KALRN: variants seen among roughly 807,000 people sequenced by gnomAD.
KALRN encodes kalirin RhoGEF kinase, also known as kalirin.
A neutral mutation model predicts 353.7 loss-of-function variants in KALRN; 70 were observed. That is an observed-to-expected ratio of 0.20 (90% confidence interval 0.16 to 0.24). The LOEUF (loss-of-function observed/expected upper bound fraction) is 0.24. KALRN is among the 10% of genes least tolerant of loss of function. The probability of loss-of-function intolerance (pLI) is 1.00; values close to 1 mark genes in which losing one functional copy is unlikely to be tolerated. For synonymous variants in KALRN, 1,391 were observed against 1,434.8 expected (o/e 0.97, Z 0.69); for missense variants, 2,791 against 3,756.7 (o/e 0.74, Z 6.72).
At chr3:124,083,433 C>T (rs1324121258) in intron 1 of KALRN, among the ~76,000 whole-genome samples, 1 of 152,076 alleles carries the variant, frequency 6.6e-6, no homozygotes, top group Non-Finnish European at 1.5e-5. Flanking sequence ...GGATGGGAAA[C>T]AGTGTTCCAA....
chr3:124,668,917 T>G lies in KALRN; in HGVS notation c.6703+1734T>G, dbSNP rs141243213. ...GTTTCTGATAGATTCTAAGCTGAAA[T>G]TAGGAATTTTAAAATTCATCAATTT... On this transcript the variant is annotated intron_variant, in intron 47 of 59. Transcript: ENST00000682506. Among the ~76,000 whole-genome samples the G allele has an allele frequency of 2.7e-3, 408 of 152,326 alleles. 1 individual carries two copies. The highest frequency in any genetic ancestry group is 9.3e-3 in the African/African-American group (388 of 41,568).
At chr3:124,332,169 C>G (rs1332454863) in intron 8 of KALRN, among the ~76,000 whole-genome samples, 2 of 152,126 alleles carry the variant, frequency 1.3e-5, no homozygotes, top group African/African-American at 4.8e-5. Flanking sequence ...GATTTCCTCT[C>G]CTGGCCTCTG....
Position 124,671,815 on chromosome 3 carries a change from C to G in KALRN, c.6859C>G (p.Leu2287Val). 6.2e-7 allele frequency: 1 copy of G among 1,614,272 alleles called. No individual in the cohort carries two copies. The highest frequency in any genetic ancestry group is 1.3e-5 in the African/African-American group (1 of 75,068). The change falls in exon 48 of 60, where the codon CTG becomes GTG. Residue 2287 changes from leucine (L) to valine (V), a missense_variant. Around this residue, in one of 11 missense-constraint regions of KALRN, gnomAD observed 1,065 missense variants for 1,156.4 expected, o/e 0.92. Transcript: ENST00000682506. Reference sequence around the variant, plus strand: ...AAAGGGCTCCAGCTATAACCCACCTCTGCCTCCCCTGAAGATATCTACCTC... The same window carrying G: ...AAAGGGCTCCAGCTATAACCCACCTGTGCCTCCCCTGAAGATATCTACCTC... ...PPKGSSYNPPLPPLKISTSNG... is the reference protein window; with the variant it reads ...PPKGSSYNPPVPPLKISTSNG...
At chr3:124,067,885 A>C (rs2042506311) in intron 1 of KALRN, among the ~76,000 whole-genome samples, 1 of 152,220 alleles carries the variant, frequency 6.6e-6, no homozygotes, top group Admixed American at 6.5e-5. Flanking sequence ...TAGGATGTGA[A>C]GACACAGTTT....
Position 124,455,239 on chromosome 3 carries a change from C to A in KALRN, c.3615C>A (p.His1205Gln). The A allele has an allele frequency of 6.2e-7, 1 of 1,614,112 alleles. No individual in the cohort carries two copies. The highest frequency in any genetic ancestry group is 8.5e-7 in the Non-Finnish European group (1 of 1,180,008). ...QLADSFVEKG[H>Q]IHATEIRKWV... ...CCGATAGCTTTGTGGAAAAAGGCCACATTCATGCCACGGAGATAAGGAAAT... is the reference window on the plus strand; with the variant it reads ...CCGATAGCTTTGTGGAAAAAGGCCAAATTCATGCCACGGAGATAAGGAAAT... The change falls in exon 22 of 60, where the codon CAC becomes CAA. Residue 1205 changes from histidine (H) to glutamine (Q), a missense_variant. Coordinates refer to ENST00000682506, the MANE Select transcript of KALRN (RefSeq NM_001388419.1).
chr3:124,509,777 C>A (rs927526870), intron 33 of KALRN, among the ~76,000 whole-genome samples: 3 of 152,132 alleles, frequency 2.0e-5, no homozygotes, highest in African/African-American at 7.2e-5. Context: ...GACAAACAGC[C>A]AAAATCTAGG....
intron 1 of KALRN, among the ~76,000 whole-genome samples, chr3:124,159,909 T>A (rs2069654709): frequency 6.6e-6 from 1 of 151,716 alleles, no homozygotes; most frequent in Non-Finnish European, 1.5e-5. Flanking sequence ...CTCAGAAGGG[T>A]TTCCAGCATA....
At chr3:124,602,314 G>A (rs927810255) in intron 34 of KALRN, among the ~76,000 whole-genome samples, 32 of 152,198 alleles carry the variant, frequency 2.1e-4, no homozygotes, top group African/African-American at 7.5e-4. Flanking sequence ...TTGAGTTAAC[G>A]ATCCACTGAG....
chr3:124,214,341 C>T (rs2077137822), intron 1 of KALRN, among the ~76,000 whole-genome samples: 1 of 151,944 alleles, frequency 6.6e-6, no homozygotes, highest in African/African-American at 2.4e-5. Context: ...TAACCACATC[C>T]CTGAGGTTGA....
Position 124,562,958 on chromosome 3 carries a change from G to C in KALRN, c.5051G>C (p.Arg1684Pro), listed in dbSNP as rs752824553. 2.2e-6 allele frequency: 3 copies of C among 1,367,810 alleles called. No homozygotes were observed. Among genetic ancestry groups the C allele is most frequent in the Non-Finnish European group, 2.9e-6 (3 of 1,022,032 alleles). The allele number at this position is 1,367,810 out of a possible 1,614,324, so 84.7% of individuals were successfully genotyped here. A position where few individuals can be genotyped will look rare whatever the true frequency, so the allele number is the denominator to read the frequency against. ...GAGCTGCTGGAGCGGCCCAGCGAGC[G>C]GCCTGGTTGGTGTCTGGTCCGTACC... ...TVELLERPSERPGWCLVRTTE... is the reference protein window; with the variant it reads ...TVELLERPSEPPGWCLVRTTE... Residue 1684 changes from arginine to proline, a missense_variant, in exon 34 of 60, where the codon CGG (arginine) becomes CCG (proline). Physicochemically the swap from Arg to Pro is moderately radical, Grantham distance 103. Around this residue, in one of 11 missense-constraint regions of KALRN, gnomAD observed 239 missense variants for 351.3 expected, o/e 0.68. Transcript: ENST00000682506.
chr3:124,176,140 C>G (rs2072705432), intron 1 of KALRN, among the ~76,000 whole-genome samples: 1 of 152,036 alleles, frequency 6.6e-6, no homozygotes, highest in African/African-American at 2.4e-5. Flanking sequence ...TGGCATTACT[C>G]TTTTTTAGCT....
rs774456929 is a variant in KALRN, at chr3:124,667,196, C to G, written c.6703+13C>G. On this transcript the variant is annotated intron_variant, in intron 47 of 59. Transcript: ENST00000682506. Reference sequence around the variant, plus strand: ...GACTTTTTGAATGGTGGGTGCTGGGCTTGGTTCCTTGCAGGGCTGTGTCAG... The same window carrying G: ...GACTTTTTGAATGGTGGGTGCTGGGGTTGGTTCCTTGCAGGGCTGTGTCAG... 64 of 1,610,182 alleles carry G rather than the reference C, an allele frequency of 4.0e-5. No homozygotes were observed. The Middle Eastern group carries it at 2.5e-3, about 62-fold the overall frequency.
rs186179616 is a variant in KALRN at position 124,455,703 on chromosome 3, A to G, written c.3735+344A>G. 8.9e-4 allele frequency among the ~76,000 whole-genome samples: 135 copies of G among 152,308 alleles called. 1 individual carries two copies. Among genetic ancestry groups the G allele is most frequent in the African/African-American group, 3.1e-3 (130 of 41,572 alleles). The stretch of plus-strand genomic sequence containing the variant: ...GCTTCATAAGTACCATCTTCCACCC[A>G]ATTATGTTAATCAGCAAATGATTAG... On this transcript the variant is annotated intron_variant, in intron 22 of 59. Coordinates refer to ENST00000682506, the MANE Select transcript of KALRN (RefSeq NM_001388419.1).
At chr3:124,065,150 G>C (rs914490539) in intron 1 of KALRN, among the ~76,000 whole-genome samples, 5 of 152,188 alleles carry the variant, frequency 3.3e-5, no homozygotes, top group Non-Finnish European at 7.3e-5. Flanking sequence ...TGGAGTAAGA[G>C]AGAAGGTTTC....
intron 47 of KALRN, among the ~76,000 whole-genome samples, chr3:124,669,963 CTTT>C (rs61190740): frequency 2.2e-5 from 3 of 136,486 alleles, no homozygotes; most frequent in South Asian, 2.3e-4. Context: ...CATATATTTT[CTTT>C]TTTTTTTTTT....
intron 33 of KALRN, among the ~76,000 whole-genome samples, chr3:124,538,268 G>C (rs1284764300): frequency 6.6e-6 from 1 of 151,810 alleles, no homozygotes; most frequent in Non-Finnish European, 1.5e-5. Context: ...GTTTGTGTGT[G>C]TGTGTGTGTA....
chr3:124,247,514 A>G (rs755757118), intron 3 of KALRN, among the ~76,000 whole-genome samples: 5 of 152,192 alleles, frequency 3.3e-5, no homozygotes, highest in South Asian at 2.1e-4. Flanking sequence ...TGGTGTTTCT[A>G]TAATAATTCT....
At chr3:124,154,462 G>A (rs557394328) in intron 1 of KALRN, among the ~76,000 whole-genome samples, 2 of 151,962 alleles carry the variant, frequency 1.3e-5, no homozygotes, top group Non-Finnish European at 2.9e-5. Flanking sequence ...TCTTATACAC[G>A]AATAACAGAC....
chr3:124,378,413 T>A (rs2086871778), intron 10 of KALRN, among the ~76,000 whole-genome samples: 1 of 152,138 alleles, frequency 6.6e-6, no homozygotes, highest in Admixed American at 6.5e-5. Flanking sequence ...CATTAGTTTT[T>A]AAACAATCAA....
Sources: allele counts gnomAD v4.1 joint callset (sites outside exome capture counted in the v4.1 genomes callset), GRCh38; gene constraint gnomAD v4.1.1; regional missense constraint gnomAD v4.1.1; transcripts MANE v1.5; gene names NCBI Gene and HGNC (gene_info 2026-07-23, HGNC 2026-07-21).